Variants in GATAD2A observed in about 807,000 individuals in gnomAD.
GATAD2A encodes transcriptional repressor p66-alpha.
Under a neutral mutation model 68.5 loss-of-function variants are expected in GATAD2A, and 12 were observed. That is an observed-to-expected ratio of 0.18 (90% CI 0.11 to 0.28). The LOEUF (loss-of-function observed/expected upper bound fraction) is 0.28, where lower values mean the gene tolerates loss of function less well. GATAD2A is among the 10% of genes least tolerant of loss of function. The pLI, the probability that GATAD2A is intolerant of heterozygous loss-of-function variation, is 1.00. For synonymous variants in GATAD2A, 410 were observed against 375.3 expected (o/e 1.09, Z -1.07); for missense variants, 755 against 868.5 (o/e 0.87, Z 1.64).
At chr19:19,501,054 G>A in intron 8 of GATAD2A, 64 bp from the exon 9 acceptor site, 2 of 1,440,052 alleles carry the variant, frequency 1.4e-6, no homozygotes, top group Non-Finnish European at 1.9e-6. Flanking sequence ...CTGGGCTGGG[G>A]GCGGCCAGGG....
chr19:19,484,911 T>G (rs1205108065), intron 2 of GATAD2A, among the ~76,000 whole-genome samples: 1 of 152,234 alleles, frequency 6.6e-6, no homozygotes, highest in Non-Finnish European at 1.5e-5. Context: ...GCTTTCTGGC[T>G]TGACTCACTT....
intron 1 of GATAD2A, among the ~76,000 whole-genome samples, chr19:19,451,984 G>A (rs1417470245): frequency 6.6e-6 from 1 of 152,214 alleles, no homozygotes; most frequent in African/African-American, 2.4e-5. Flanking sequence ...GATTATAGGC[G>A]TGAGCCACTG....
At chr19:19,398,755 G>A (rs778131152) in intron 1 of GATAD2A, among the ~76,000 whole-genome samples, 14 of 150,076 alleles carry the variant, frequency 9.3e-5, no homozygotes, top group Admixed American at 4.0e-4. Flanking sequence ...GTGAAACCCC[G>A]TCTCTACTAA....
chr19:19,475,158 C>T (rs762264581), intron 2 of GATAD2A, among the ~76,000 whole-genome samples: 3 of 152,248 alleles, frequency 2.0e-5, no homozygotes, highest in South Asian at 4.1e-4. Context: ...CAGCTGCTCC[C>T]GGCCCGCCGG....
At chr19:19,412,018 T>C (rs936994195) in intron 1 of GATAD2A, among the ~76,000 whole-genome samples, 2 of 151,724 alleles carry the variant, frequency 1.3e-5, no homozygotes, top group Non-Finnish European at 2.9e-5. Context: ...GCAGGCTGAT[T>C]GTTTGAGCCC....
At chr19:19,501,886 C>A in intron 9 of GATAD2A, 83 bp from the exon 10 acceptor site, 2 of 1,038,266 alleles carry the variant, frequency 1.9e-6, no homozygotes, top group Non-Finnish European at 3.0e-6. Flanking sequence ...AGGGGACGGG[C>A]CTGTCCTGTG....
At chr19:19,422,770 G>T (rs2052575050) in intron 1 of GATAD2A, among the ~76,000 whole-genome samples, 2 of 149,514 alleles carry the variant, frequency 1.3e-5, no homozygotes, top group South Asian at 4.2e-4. Context: ...GGAGTGCAGT[G>T]ACGCGATCTT....
At chr19:19,393,630 A>G (rs1473434120) in intron 1 of GATAD2A, among the ~76,000 whole-genome samples, 2 of 152,192 alleles carry the variant, frequency 1.3e-5, no homozygotes, top group Non-Finnish European at 2.9e-5. Context: ...AGGTTTCTTG[A>G]GAATATCCCT....
intron 1 of GATAD2A, among the ~76,000 whole-genome samples, chr19:19,394,647 G>C (rs1368010893): frequency 6.6e-6 from 1 of 151,892 alleles, no homozygotes; most frequent in Non-Finnish European, 1.5e-5. Context: ...GGGTTTCACT[G>C]TGTTGCCCAG....
rs1026054097 is a variant in GATAD2A, at chr19:19,440,939, C to T, written c.-6-24401C>T. ...TCCTTCCCTTTCCTTCCTTTTCTTC[C>T]TTCCCTTTCCTTCCTTTTCTTCCTT... On this transcript the variant is annotated intron_variant, in intron 1 of 11. Transcript: ENST00000683918. Among the ~76,000 whole-genome samples, 7 of 142,200 alleles carry T rather than the reference C, an allele frequency of 4.9e-5. No individual in the cohort carries two copies. The East Asian group carries it at 5.9e-4, about 12-fold the overall frequency. 93.3% of individuals were successfully genotyped at this position (142,200 alleles called of 152,430 possible).
chr19:19,407,175 C>T (rs565826636), intron 1 of GATAD2A, among the ~76,000 whole-genome samples: 3 of 152,246 alleles, frequency 2.0e-5, no homozygotes, highest in Non-Finnish European at 2.9e-5. Flanking sequence ...GTGTCTCAGT[C>T]TTGGACTGTA....
At chr19:19,450,758 A>AC (rs1466435612) in intron 1 of GATAD2A, among the ~76,000 whole-genome samples, 7 of 151,184 alleles carry the variant, frequency 4.6e-5, no homozygotes, top group African/African-American at 9.7e-5. Context: ...AAAAAAAAAA[A>AC]AAAACTCTTT....
chr19:19,459,673 G>T (rs1343606213), intron 1 of GATAD2A, among the ~76,000 whole-genome samples: 2 of 152,204 alleles, frequency 1.3e-5, no homozygotes, highest in East Asian at 3.8e-4. Context: ...TGTGGAAGAA[G>T]GGGCAGTGGC....
At chr19:19,420,823 G>C (rs1170695301) in intron 1 of GATAD2A, among the ~76,000 whole-genome samples, 2 of 152,146 alleles carry the variant, frequency 1.3e-5, no homozygotes, top group Non-Finnish European at 2.9e-5. Flanking sequence ...TATGATGACA[G>C]TACCTCGTTC....
chr19:19,431,875 G>T (rs1041168844), intron 1 of GATAD2A, among the ~76,000 whole-genome samples: 6 of 152,054 alleles, frequency 3.9e-5, no homozygotes, highest in East Asian at 3.9e-4. Context: ...GAGGGGTGGT[G>T]CTGTGGAAGA....
intron 1 of GATAD2A, among the ~76,000 whole-genome samples, chr19:19,396,439 T>C (rs1297238394): frequency 6.6e-6 from 1 of 152,220 alleles, no homozygotes; most frequent in Non-Finnish European, 1.5e-5. Context: ...AGGCTGAGCA[T>C]GTCTGAAGGC....
chr19:19,486,263 A>G (rs991529840), intron 2 of GATAD2A, among the ~76,000 whole-genome samples: 2 of 152,358 alleles, frequency 1.3e-5, no homozygotes, highest in African/African-American at 4.8e-5. Context: ...CATTGCTTCC[A>G]TCTGGGAGCT....
chr19:19,488,217 C>T (rs2059568688), intron 2 of GATAD2A, among the ~76,000 whole-genome samples: 1 of 152,248 alleles, frequency 6.6e-6, no homozygotes. Context: ...GGGCCAGCCC[C>T]AAGCCCACCT....
At chr19:19,393,276 C>T (rs1043911274) in intron 1 of GATAD2A, among the ~76,000 whole-genome samples, 4 of 152,012 alleles carry the variant, frequency 2.6e-5, no homozygotes, top group East Asian at 1.9e-4. Context: ...CACTGCACTC[C>T]AGCCTGAGTG....
Sources: gnomAD v4.1 joint callset for allele counts (sites outside exome capture counted in the v4.1 genomes callset) on GRCh38, gnomAD v4.1.1 for gene constraint, MANE v1.5 for transcripts, NCBI Gene and HGNC (gene_info 2026-07-23, HGNC 2026-07-21) for gene names.